The following CA1 variants were observed in gnomAD, a reference collection of about 807,000 sequenced individuals.
The protein encoded by CA1 is carbonate dehydratase I.
Under a neutral mutation model 28.8 loss-of-function variants are expected in CA1, and 27 were observed. The ratio of observed to expected loss-of-function variants is 0.94; its 90% CI spans 0.69 to 1.29. The LOEUF (loss-of-function observed/expected upper bound fraction) is 1.29, where lower values mean the gene tolerates loss of function less well. Ranked by LOEUF, CA1 falls within the 50% of genes most tolerant of loss-of-function variation. The pLI is 0.00. For missense variants in CA1, 335 were observed against 310.5 expected, an observed-to-expected ratio of 1.08 and a Z score of -0.59; for synonymous variants, 121 against 108.8, an observed-to-expected ratio of 1.11 and a Z score of -0.70.
chr8:85,374,546 G>T (rs887414684), intron 1 of CA1, among the ~76,000 whole-genome samples: 1 of 152,126 alleles, frequency 6.6e-6, no homozygotes, highest in Non-Finnish European at 1.5e-5. Context: ...TTAATCGTAC[G>T]TAAGACATTA....
intron 1 of CA1, chr8:85,373,369 G>A (rs1049111617): frequency 6.6e-6 from 1 of 152,188 alleles, no homozygotes; most frequent in Non-Finnish European, 1.5e-5. Context: ...CAGAAATACA[G>A]AAGGTCAGTA....
At chr8:85,368,142 T>A (rs918576938) in intron 1 of CA1, among the ~76,000 whole-genome samples, 3 of 151,524 alleles carry the variant, frequency 2.0e-5, no homozygotes, top group Non-Finnish European at 4.4e-5. Flanking sequence ...AATTAAAAAA[T>A]TAAATTAAAT....
At chr8:85,374,226 A>T (rs1017449297) in intron 1 of CA1, among the ~76,000 whole-genome samples, 1 of 152,194 alleles carries the variant, frequency 6.6e-6, no homozygotes, top group Non-Finnish European at 1.5e-5. Flanking sequence ...TCTAAAAAAC[A>T]ATATTTCATA....
intron 2 of CA1, among the ~76,000 whole-genome samples, chr8:85,339,689 G>T (rs1808835772): frequency 6.6e-6 from 1 of 152,178 alleles, no homozygotes; most frequent in South Asian, 2.1e-4. Flanking sequence ...GTCAAGCCGT[G>T]AATGCAAAAG....
chr8:85,370,449 A>G (rs1810174529), intron 1 of CA1, among the ~76,000 whole-genome samples: 1 of 152,126 alleles, frequency 6.6e-6, no homozygotes, highest in Non-Finnish European at 1.5e-5. Flanking sequence ...AAACTTTTAA[A>G]ATCTTCTGGC....
chr8:85,350,128 A>G (rs977369556), intron 1 of CA1, among the ~76,000 whole-genome samples: 5 of 152,240 alleles, frequency 3.3e-5, no homozygotes, highest in Non-Finnish European at 7.3e-5. Flanking sequence ...TGCTCCAGGC[A>G]AATGAGAGTT....
chr8:85,330,275 C>A (rs574455825), intron 6 of CA1, among the ~76,000 whole-genome samples: 3 of 152,050 alleles, frequency 2.0e-5, no homozygotes, highest in South Asian at 4.1e-4. Context: ...TTATTCCTAT[C>A]GTCTTTTCTG....
At chr8:85,367,196 A>G (rs914684249) in intron 1 of CA1, among the ~76,000 whole-genome samples, 3 of 152,144 alleles carry the variant, frequency 2.0e-5, no homozygotes, top group African/African-American at 4.8e-5. Context: ...AAAAAAGTTT[A>G]TAAGAGGAAA....
At chr8:85,375,369 G>T (rs1810371637) in intron 1 of CA1, among the ~76,000 whole-genome samples, 2 of 152,182 alleles carry the variant, frequency 1.3e-5, no homozygotes, top group African/African-American at 4.8e-5. Flanking sequence ...TCCTGGCATT[G>T]CACTGTTTTA....
intron 1 of CA1, among the ~76,000 whole-genome samples, chr8:85,377,163 C>A (rs187967041): frequency 1.3e-5 from 2 of 152,044 alleles, no homozygotes; most frequent in Non-Finnish European, 2.9e-5. Flanking sequence ...GATATATGAA[C>A]CATATAATTT....
chr8:85,333,037 T>G (rs1008501241), intron 5 of CA1, among the ~76,000 whole-genome samples: 1 of 152,168 alleles, frequency 6.6e-6, no homozygotes, highest in Non-Finnish European at 1.5e-5. Context: ...TATAGAGGAT[T>G]TGAGCAACAT....
intron 1 of CA1, among the ~76,000 whole-genome samples, chr8:85,348,806 G>A (rs1235465247): frequency 6.6e-6 from 1 of 152,122 alleles, no homozygotes; most frequent in Non-Finnish European, 1.5e-5. Context: ...TCTAAATGAG[G>A]ATTAACGATT....
At chr8:85,355,549 C>CTTT (rs11353842) in intron 1 of CA1, among the ~76,000 whole-genome samples, 6 of 108,696 alleles carry the variant, frequency 5.5e-5, no homozygotes, top group Non-Finnish European at 9.3e-5. Context: ...TGTCTAGTTC[C>CTTT]TTTTTTTTTT....
At chr8:85,365,742 A>T (rs1395476369) in intron 1 of CA1, among the ~76,000 whole-genome samples, 3 of 152,210 alleles carry the variant, frequency 2.0e-5, no homozygotes, top group African/African-American at 4.8e-5. Flanking sequence ...GGCCATACAC[A>T]TGAAGAAAAT....
chr8:85,354,110 T>C (rs2645051), intron 1 of CA1, among the ~76,000 whole-genome samples: 120,220 of 151,068 alleles, frequency 0.8, 48,824 homozygotes, highest in African/African-American at 0.93. Flanking sequence ...ATTACAGGCC[T>C]GTGCCACCAC....
intron 1 of CA1, among the ~76,000 whole-genome samples, chr8:85,361,617 C>G (rs1046628317): frequency 1.8e-4 from 27 of 152,122 alleles, no homozygotes; most frequent in African/African-American, 6.3e-4. Flanking sequence ...GTGGAGGTTG[C>G]AGTGAGCCAT....
intron 2 of CA1, chr8:85,340,994 A>C (rs1054350802): frequency 2.0e-5 from 3 of 152,434 alleles, no homozygotes; most frequent in African/African-American, 7.2e-5. Context: ...AATACAAAAA[A>C]ATTAGCTAGG....
At position 85,327,967 on chromosome 8, in the gene CA1, A is replaced by G. The variant is rs1218138288; in HGVS notation, c.*593T>C. On this transcript the variant is annotated 3_prime_UTR_variant, in exon 8 of 8. Transcript: ENST00000523022. ...CAATATCCAGAAGCGTCATCTTCCT[A>G]TATAAAAGATAATCATTTTGATCAC... The G allele has an allele frequency of 2.0e-5, 3 of 152,382 alleles. No individual in the cohort carries two copies. The highest frequency in any genetic ancestry group is 2.9e-5 in the Non-Finnish European group (2 of 68,212). The allele number at this position is 152,382 out of a possible 1,614,324, so 9.4% of individuals were successfully genotyped here.
chr8:85,329,920 T>C lies in CA1; in HGVS notation c.514-76A>G. The C allele has an allele frequency of 4.4e-6, 5 of 1,141,634 alleles. No homozygotes were observed. The South Asian group carries it at 6.7e-5, about 15-fold the overall frequency. 70.7% of individuals were successfully genotyped at this position (1,141,634 alleles called of 1,614,324 possible). On this transcript the variant is annotated intron_variant, in intron 6 of 7. Transcript: ENST00000523022. ...ATATATGTGACATATATATGCTATATTATCTTGTTATACATTATTTAGAGA... is the reference window on the plus strand; with the variant it reads ...ATATATGTGACATATATATGCTATACTATCTTGTTATACATTATTTAGAGA...
Sources: allele counts gnomAD v4.1 joint callset (sites outside exome capture counted in the v4.1 genomes callset), GRCh38; gene constraint gnomAD v4.1.1; transcripts MANE v1.5; gene names NCBI Gene and HGNC (gene_info 2026-07-23, HGNC 2026-07-21).